The following SGIP1 variants were observed in gnomAD, a reference collection of about 807,000 sequenced individuals.
SGIP1 encodes the protein SH3-containing GRB2-like protein 3-interacting protein 1.
In SGIP1, 38 loss-of-function variants were observed where a neutral mutation model predicts 107.5. The ratio of observed to expected loss-of-function variants is 0.35; its 90% CI spans 0.27 to 0.46. The LOEUF (loss-of-function observed/expected upper bound fraction) is 0.46, where lower values mean the gene tolerates loss of function less well. SGIP1 is among the 20% of genes least tolerant of loss of function. SGIP1 has a pLI of 1.00. For missense variants in SGIP1, 929 were observed against 1,019.5 expected (o/e 0.91, Z 1.21); for synonymous variants, 365 against 366.1 (o/e 1.00, Z 0.03).
At chr1:66,730,902 T>C (rs2093979404) in intron 20 of SGIP1, among the ~76,000 whole-genome samples, 1 of 152,148 alleles carries the variant, frequency 6.6e-6, no homozygotes, top group Non-Finnish European at 1.5e-5. Flanking sequence ...ACTCATCCTT[T>C]AGTCTCAGCT....
chr1:66,717,540 C>T (rs1428594669), intron 18 of SGIP1, among the ~76,000 whole-genome samples: 4 of 152,054 alleles, frequency 2.6e-5, no homozygotes, highest in Non-Finnish European at 4.4e-5. Flanking sequence ...TTTAGAGCTC[C>T]GTGGGCAGAG....
At chr1:66,689,970 G>A (rs561952884) in intron 16 of SGIP1, among the ~76,000 whole-genome samples, 3 of 152,278 alleles carry the variant, frequency 2.0e-5, no homozygotes, top group South Asian at 2.1e-4. Context: ...ACAGATCCCA[G>A]CTTCGCTAAG....
intron 1 of SGIP1, among the ~76,000 whole-genome samples, chr1:66,538,896 G>GA (rs1342575725): frequency 6.6e-6 from 1 of 152,166 alleles, no homozygotes; most frequent in African/African-American, 2.4e-5. Flanking sequence ...AAGAGCTGGA[G>GA]AAAAAATTAG....
chr1:66,624,764 A>G (rs1174785960), intron 1 of SGIP1, among the ~76,000 whole-genome samples: 5 of 152,210 alleles, frequency 3.3e-5, no homozygotes, highest in Admixed American at 2.6e-4. Flanking sequence ...ACCACCAATA[A>G]TAAGTCTAAG....
chr1:66,671,823 T>G, intron 10 of SGIP1, 121 bp from the exon 11 acceptor site: 1 of 910,148 alleles, frequency 1.1e-6, no homozygotes, highest in Non-Finnish European at 1.7e-6. Context: ...TTTGCAAAGT[T>G]TTCATACTGA....
chr1:66,658,748 T>C (rs1242223932), intron 7 of SGIP1, among the ~76,000 whole-genome samples: 3 of 152,208 alleles, frequency 2.0e-5, no homozygotes, highest in African/African-American at 7.2e-5. Flanking sequence ...GTACCTTTGT[T>C]CCCTGAGGCT....
chr1:66,696,277 A>G (rs148605017), intron 18 of SGIP1, among the ~76,000 whole-genome samples: 4 of 152,184 alleles, frequency 2.6e-5, no homozygotes, highest in African/African-American at 9.7e-5. Context: ...ATGATGGGGG[A>G]AGAAGTTAAG....
chr1:66,741,176 G>A (rs1321087830), intron 23 of SGIP1, 96 bp from the exon 24 acceptor site: 2 of 1,270,938 alleles, frequency 1.6e-6, no homozygotes, highest in Non-Finnish European at 2.1e-6. Flanking sequence ...AAAGAATCAT[G>A]TCTGATTTTG....
At chr1:66,682,503 T>A in intron 15 of SGIP1, 134 bp downstream of exon 15, 1 of 1,092,376 alleles carries the variant, frequency 9.2e-7, no homozygotes, top group Non-Finnish European at 1.3e-6. Flanking sequence ...GGGTGTCCTG[T>A]GGCCCCACAG....
chr1:66,688,443 A>G (rs1307325173), intron 15 of SGIP1, among the ~76,000 whole-genome samples: 1 of 152,250 alleles, frequency 6.6e-6, no homozygotes, highest in Non-Finnish European at 1.5e-5. Context: ...AGTAAATCCA[A>G]GAAGCTCTTT....
At chr1:66,640,622 A>G (rs1489364677) in intron 5 of SGIP1, among the ~76,000 whole-genome samples, 4 of 152,180 alleles carry the variant, frequency 2.6e-5, no homozygotes, top group Non-Finnish European at 4.4e-5. Context: ...GAGGGGATCA[A>G]TGGAAGATAA....
At chr1:66,544,205 C>A (rs1420705752) in intron 1 of SGIP1, among the ~76,000 whole-genome samples, 5 of 152,152 alleles carry the variant, frequency 3.3e-5, no homozygotes, top group African/African-American at 9.7e-5. Context: ...TGTGCTAGGC[C>A]ACCCCTTTCT....
intron 14 of SGIP1, among the ~76,000 whole-genome samples, chr1:66,681,078 G>C (rs1571739319): frequency 6.6e-6 from 1 of 152,252 alleles, no homozygotes; most frequent in African/African-American, 2.4e-5. Flanking sequence ...GAGGTTGACA[G>C]GTTAGACTTA....
chr1:66,554,794 C>T (rs184457959), intron 1 of SGIP1, among the ~76,000 whole-genome samples: 1 of 152,240 alleles, frequency 6.6e-6, no homozygotes, highest in African/African-American at 2.4e-5. Flanking sequence ...ATAAGGAATA[C>T]TCAACCTGTA....
At position 66,733,751 on chromosome 1, in the gene SGIP1, TAATACACAA is replaced by T. The variant is rs745375914; in HGVS notation, c.1906_1914del (p.Thr636_Asn638del). On this transcript the variant is annotated inframe_deletion, in exon 21 of 25. Transcript: ENST00000371037. ...ATTTTTCTTCCCAAATGAACAGTGA[TAATACACAA>T]AATGATGCCAATACCAAGGAATTCT... The T allele has an allele frequency of 4.3e-6, 7 of 1,612,572 alleles. No homozygotes were observed. The East Asian group carries it at 1.6e-4, about 36-fold the overall frequency.
At chr1:66,597,296 T>A (rs1289325153) in intron 1 of SGIP1, among the ~76,000 whole-genome samples, 3 of 152,238 alleles carry the variant, frequency 2.0e-5, no homozygotes, top group Non-Finnish European at 4.4e-5. Flanking sequence ...CGCTTATAAG[T>A]GAGAACATGC....
chr1:66,631,088 AAAG>A (rs2074539901), intron 2 of SGIP1, among the ~76,000 whole-genome samples: 1 of 143,614 alleles, frequency 7.0e-6, no homozygotes, highest in Non-Finnish European at 1.5e-5. Flanking sequence ...AGAAAGAAAG[AAAG>A]AAAGAAAGAA....
Position 66,637,690 on chromosome 1 carries a change from A to G in SGIP1, c.171+1675A>G, listed in dbSNP as rs1483880941. 3.3e-5 allele frequency among the ~76,000 whole-genome samples: 5 copies of G among 151,622 alleles called. No individual in the cohort carries two copies. The East Asian group carries it at 9.7e-4, about 30-fold the overall frequency. ...AAATTTAGAACTCAGCTTTCTTTCTACAGTATTAGATATATGTTGTCAGGA... is the reference window on the plus strand; with the variant it reads ...AAATTTAGAACTCAGCTTTCTTTCTGCAGTATTAGATATATGTTGTCAGGA... On this transcript the variant is annotated intron_variant, in intron 4 of 24. Coordinates refer to ENST00000371037, the MANE Select transcript of SGIP1 (RefSeq NM_032291.4).
In SGIP1 at chr1:66,660,520, G is replaced by C. The variant is rs1396697463; in HGVS notation, c.467G>C (p.Ser156Thr). Residue 156 changes from serine (S) to threonine (T), a missense_variant, in exon 8 of 25, where the codon AGT becomes ACT. Around this residue, in one of 2 missense-constraint regions of SGIP1, gnomAD observed 588 missense variants for 588.6 expected, o/e 1.00. Transcript: ENST00000371037. Reference sequence around the variant, plus strand: ...CCATGCCTACGCTTTTAGAGGAAAAGTCCGGTAAGAAATAAGTCCTTCCCG... The same window carrying C: ...CCATGCCTACGCTTTTAGAGGAAAACTCCGGTAAGAAATAAGTCCTTCCCG... Reference protein sequence around the residue: ...IALSPSPVRKSPRRSPGAIKR... With the variant: ...IALSPSPVRKTPRRSPGAIKR... The C allele has an allele frequency of 1.6e-5, 25 of 1,610,696 alleles. No individual in the cohort carries two copies. Among genetic ancestry groups the C allele is most frequent in the Non-Finnish European group, 2.1e-5 (25 of 1,177,138 alleles).
Sources: gnomAD v4.1 joint callset for allele counts (sites outside exome capture counted in the v4.1 genomes callset) on GRCh38, gnomAD v4.1.1 for gene constraint, gnomAD v4.1.1 regional missense constraint, MANE v1.5 for transcripts, NCBI Gene and HGNC (gene_info 2026-07-23, HGNC 2026-07-21) for gene names.